RAD51B: variants seen among roughly 807,000 people sequenced by gnomAD.
The protein encoded by RAD51B is RAD51 paralog B, also known as DNA repair protein RAD51 homolog 2.
RAD51B carries 38 observed loss-of-function variants against 42.2 expected under a neutral mutation model. The observed-to-expected ratio is 0.90, with a 90% CI of 0.70 to 1.18. RAD51B has a LOEUF of 1.18. Among genes scored for constraint, RAD51B ranks in the 50% most tolerant of loss-of-function variants. RAD51B has a pLI of 0.00. For missense variants in RAD51B, 373 were observed against 400.7 expected (o/e 0.93, Z 0.59); for synonymous variants, 154 against 145.2 (o/e 1.06, Z -0.43).
intron 7 of RAD51B, among the ~76,000 whole-genome samples, chr14:68,000,103 T>A (rs1407847423): frequency 6.6e-6 from 1 of 152,132 alleles, no homozygotes; most frequent in Non-Finnish European, 1.5e-5. Context: ...AAAGTATACT[T>A]CCTTAGGCCA....
intron 7 of RAD51B, among the ~76,000 whole-genome samples, chr14:67,945,081 GA>G (rs1355195421): frequency 6.6e-6 from 1 of 152,196 alleles, no homozygotes; most frequent in East Asian, 1.9e-4. Context: ...TGGCTACAAT[GA>G]GTAACTAAAC....
chr14:68,550,863 G>A (rs149371068), intron 10 of RAD51B, among the ~76,000 whole-genome samples: 1 of 152,266 alleles, frequency 6.6e-6, no homozygotes, highest in African/African-American at 2.4e-5. Flanking sequence ...CAGAGAAGGA[G>A]TTGCTTCCAA....
chr14:68,365,920 G>A (rs1037249952), intron 8 of RAD51B, among the ~76,000 whole-genome samples: 6 of 151,724 alleles, frequency 4.0e-5, no homozygotes, highest in Non-Finnish European at 7.4e-5. Flanking sequence ...CTTTTTTTTA[G>A]TGATAATCTG....
At chr14:68,223,119 A>T (rs1167302201) in intron 7 of RAD51B, among the ~76,000 whole-genome samples, 1 of 152,218 alleles carries the variant, frequency 6.6e-6, no homozygotes, top group East Asian at 1.9e-4. Context: ...TACCTTGGCT[A>T]ACAGGAAAAT....
intron 10 of RAD51B, among the ~76,000 whole-genome samples, chr14:68,524,768 G>A (rs1428197150): frequency 3.3e-5 from 5 of 152,180 alleles, no homozygotes; most frequent in Admixed American, 6.5e-5. Flanking sequence ...GAAGATGGAC[G>A]TAGCTGTAGT....
At position 68,626,259 on chromosome 14, in the gene RAD51B, G is replaced by C. The variant is rs186424879; in HGVS notation, c.1037-24522G>C. Among the ~76,000 whole-genome samples the C allele has an allele frequency of 8.5e-5, 13 of 152,334 alleles. No individual in the cohort carries two copies. In the East Asian group the frequency reaches 2.3e-3, roughly 27 times the overall value. ...AGCTCAGAAAGCAGGGATGGTGTTG[G>C]TGGGATGCAGGGGCAAAAAATCCTG... On this transcript the variant is annotated intron_variant, in intron 10 of 11. Transcript: ENST00000488612.
chr14:68,483,143 C>G (rs1003990500), intron 10 of RAD51B, among the ~76,000 whole-genome samples: 2 of 152,168 alleles, frequency 1.3e-5, no homozygotes, highest in African/African-American at 4.8e-5. Context: ...GCCATGCAGC[C>G]ACTCCTAACT....
intron 10 of RAD51B, among the ~76,000 whole-genome samples, chr14:68,515,410 A>C (rs1886060597): frequency 6.6e-6 from 1 of 150,918 alleles, no homozygotes; most frequent in African/African-American, 2.4e-5. Context: ...CATATGGACC[A>C]ATAATTTCTT....
intron 7 of RAD51B, among the ~76,000 whole-genome samples, chr14:68,142,792 C>G (rs550820306): frequency 3.3e-5 from 5 of 152,148 alleles, no homozygotes; most frequent in Non-Finnish European, 7.3e-5. Context: ...TTCTGTGCCT[C>G]CACATTTGTT....
chr14:67,858,167 T>C (rs2042056770), intron 4 of RAD51B: 1 of 152,372 alleles, frequency 6.6e-6, no homozygotes, highest in East Asian at 1.9e-4. Context: ...CCTTACCTCG[T>C]TATGTGGGGC....
At chr14:68,603,092 C>A (rs1003288302) in intron 10 of RAD51B, among the ~76,000 whole-genome samples, 5 of 152,080 alleles carry the variant, frequency 3.3e-5, no homozygotes, top group South Asian at 2.1e-4. Flanking sequence ...CTTACGTGTT[C>A]CTCTCCTCTC....
At chr14:67,858,773 C>A (rs1191007140) in intron 4 of RAD51B, among the ~76,000 whole-genome samples, 1 of 152,170 alleles carries the variant, frequency 6.6e-6, no homozygotes, top group African/African-American at 2.4e-5. Flanking sequence ...CTGGCCCTAC[C>A]CTATCTGCCT....
chr14:68,608,014 G>T (rs975985681), intron 10 of RAD51B, among the ~76,000 whole-genome samples: 1 of 152,228 alleles, frequency 6.6e-6, no homozygotes, highest in Non-Finnish European at 1.5e-5. Flanking sequence ...TTTCTAGCCA[G>T]GGGTGGTATG....
At chr14:68,641,616 C>T (rs1384001689) in intron 10 of RAD51B, among the ~76,000 whole-genome samples, 8 of 125,146 alleles carry the variant, frequency 6.4e-5, no homozygotes, top group East Asian at 1.9e-4. Context: ...GAGGAAATTC[C>T]CCTGTATTTC....
chr14:68,401,499 T>C (rs2084103926), intron 8 of RAD51B, among the ~76,000 whole-genome samples: 1 of 152,210 alleles, frequency 6.6e-6, no homozygotes, highest in Non-Finnish European at 1.5e-5. Context: ...CCAGAGGTTC[T>C]GATTGCCTCA....
At chr14:67,869,187 A>G (rs1192251313) in intron 5 of RAD51B, among the ~76,000 whole-genome samples, 1 of 152,196 alleles carries the variant, frequency 6.6e-6, no homozygotes, top group Non-Finnish European at 1.5e-5. Context: ...GAAAACTTTG[A>G]AAAAAATTTA....
chr14:68,283,534 T>C (rs143051899), intron 7 of RAD51B, among the ~76,000 whole-genome samples: 2 of 152,366 alleles, frequency 1.3e-5, no homozygotes, highest in Non-Finnish European at 2.9e-5. Context: ...GAAGCCACTG[T>C]GGCTGCATTG....
At chr14:68,115,508 C>T (rs1217760742) in intron 7 of RAD51B, among the ~76,000 whole-genome samples, 1 of 127,392 alleles carries the variant, frequency 7.8e-6, no homozygotes, top group Non-Finnish European at 1.6e-5. Flanking sequence ...AACTAACCTG[C>T]ACAATGTGCA....
chr14:68,324,982 G>A (rs1566809440), intron 8 of RAD51B, among the ~76,000 whole-genome samples: 1 of 152,218 alleles, frequency 6.6e-6, no homozygotes, highest in Non-Finnish European at 1.5e-5. Context: ...AACTAACACA[G>A]TGCCTTACAC....
Sources: gnomAD v4.1 joint callset for allele counts (sites outside exome capture counted in the v4.1 genomes callset) on GRCh38, gnomAD v4.1.1 for gene constraint, MANE v1.5 for transcripts, NCBI Gene and HGNC (gene_info 2026-07-23, HGNC 2026-07-21) for gene names.